RELN: variants seen among roughly 807,000 people sequenced by gnomAD.
RELN encodes the protein reelin.
RELN carries 108 observed loss-of-function variants against 427.6 expected under a neutral mutation model. That is an observed-to-expected ratio of 0.25 (90% confidence interval 0.22 to 0.30). The LOEUF is 0.30. Ranked by LOEUF, RELN falls within the 10% of genes least tolerant of loss-of-function variation. The pLI is 1.00. For synonymous variants in RELN, 1,524 were observed against 1,513.4 expected (o/e 1.01, Z -0.16); for missense variants, 3,715 against 4,302.8 (o/e 0.86, Z 3.82).
chr7:103,633,068 T>C (rs1427714519), intron 19 of RELN, among the ~76,000 whole-genome samples: 2 of 152,136 alleles, frequency 1.3e-5, no homozygotes, highest in African/African-American at 4.8e-5. Flanking sequence ...CTAACTTAGA[T>C]ATATTAAATT....
At chr7:103,719,733 C>A (rs1370114519) in intron 8 of RELN, among the ~76,000 whole-genome samples, 1 of 152,104 alleles carries the variant, frequency 6.6e-6, no homozygotes. Context: ...TCTTCCTATC[C>A]CAGAGGAAAT....
chr7:103,728,606 T>C (rs1790272873), intron 6 of RELN, among the ~76,000 whole-genome samples: 1 of 152,166 alleles, frequency 6.6e-6, no homozygotes, highest in African/African-American at 2.4e-5. Flanking sequence ...AATAATTATA[T>C]AATATATACA....
At chr7:103,737,926 G>A (rs963486794) in intron 6 of RELN, among the ~76,000 whole-genome samples, 2 of 151,970 alleles carry the variant, frequency 1.3e-5, no homozygotes, top group African/African-American at 4.8e-5. Context: ...TTGTACCACA[G>A]GACCTGAAAC....
intron 46 of RELN, among the ~76,000 whole-genome samples, chr7:103,530,068 G>A (rs1003918484): frequency 2.6e-5 from 4 of 152,024 alleles, no homozygotes; most frequent in African/African-American, 9.7e-5. Context: ...ATGGAGGCAG[G>A]TGCAGTTTTA....
At chr7:103,491,854 TCTCACACACACACACACACA>T (rs1356964761) in intron 58 of RELN, 79 bp downstream of exon 58, 983 of 377,802 alleles carry the variant, frequency 2.6e-3, no homozygotes, top group East Asian at 4.0e-3. Context: ...TCTCTCTCTC[TCTCACACACACACACACACA>T]CACACACACA....
rs1832578912 is a variant in RELN at position 103,636,304 on chromosome 7, T to C, written c.2234A>G (p.Lys745Arg). The change falls in exon 18 of 65, where the codon AAG becomes AGG. Residue 745 changes from lysine (K) to arginine (R), a missense_variant. Lys to Arg is a conservative substitution (Grantham distance 26). Transcript: ENST00000428762. ...SFGCGVLASGKALVFNKDGRR... is the reference protein window; with the variant it reads ...SFGCGVLASGRALVFNKDGRR... ...CCCATCTTTGTTGAAAACCAGGGCC[T>C]TACCACTGGCCAAGACACCACAACC... The C allele has an allele frequency of 3.1e-6, 5 of 1,613,918 alleles. No individual in the cohort carries two copies. The highest frequency in any genetic ancestry group is 1.3e-5 in the African/African-American group (1 of 74,916).
chr7:103,539,675 C>A (rs1370864158), intron 44 of RELN, among the ~76,000 whole-genome samples: 1 of 152,144 alleles, frequency 6.6e-6, no homozygotes, highest in African/African-American at 2.4e-5. Context: ...ACAGTTGTAC[C>A]CTAAGGCATT....
chr7:103,586,706 C>T (rs762029449), intron 28 of RELN, among the ~76,000 whole-genome samples: 7 of 152,094 alleles, frequency 4.6e-5, no homozygotes, highest in Non-Finnish European at 7.4e-5. Flanking sequence ...ACAAAATAAA[C>T]GTACAAAAAT....
chr7:103,789,791 T>A (rs1432921699), intron 3 of RELN, among the ~76,000 whole-genome samples: 1 of 152,206 alleles, frequency 6.6e-6, no homozygotes, highest in Non-Finnish European at 1.5e-5. Flanking sequence ...CTCAAGGATA[T>A]AGAACTAGAA....
At chr7:103,786,686 A>G (rs1792025865) in intron 3 of RELN, among the ~76,000 whole-genome samples, 1 of 152,210 alleles carries the variant, frequency 6.6e-6, no homozygotes, top group South Asian at 2.1e-4. Context: ...ATACAGGAGC[A>G]TCCAGATTCA....
At chr7:103,710,992 C>T (rs112936853) in intron 8 of RELN, among the ~76,000 whole-genome samples, 11 of 152,010 alleles carry the variant, frequency 7.2e-5, no homozygotes, top group African/African-American at 2.2e-4. Flanking sequence ...TGCAGTGAGC[C>T]GAGAGCACGC....
chr7:103,498,458 ATAAT>A (rs1283603220), intron 53 of RELN, among the ~76,000 whole-genome samples: 1 of 151,872 alleles, frequency 6.6e-6, no homozygotes, highest in Non-Finnish European at 1.5e-5. Context: ...ATAATGTTTA[ATAAT>A]TGAAATTTAA....
intron 4 of RELN, among the ~76,000 whole-genome samples, chr7:103,755,627 T>G (rs1235049889): frequency 1.8e-5 from 1 of 54,792 alleles, no homozygotes; most frequent in Non-Finnish European, 4.1e-5. Context: ...ATAAAAAAAA[T>G]AAAATAAATA....
At chr7:103,927,588 A>G (rs1318073769) in intron 1 of RELN, among the ~76,000 whole-genome samples, 1 of 152,206 alleles carries the variant, frequency 6.6e-6, no homozygotes, top group Non-Finnish European at 1.5e-5. Flanking sequence ...ATAAATGCAC[A>G]ACTAATTTGT....
At chr7:103,898,284 T>C (rs1007343287) in intron 2 of RELN, among the ~76,000 whole-genome samples, 1 of 152,014 alleles carries the variant, frequency 6.6e-6, no homozygotes, top group African/African-American at 2.4e-5. Context: ...CATTATTATT[T>C]AAAAATATTA....
chr7:103,875,412 T>G (rs1257856879), intron 2 of RELN, among the ~76,000 whole-genome samples: 1 of 151,950 alleles, frequency 6.6e-6, no homozygotes, highest in Non-Finnish European at 1.5e-5. Flanking sequence ...ACCATCAGAG[T>G]GAACAGGCAA....
chr7:103,975,279 A>C (rs551328377), intron 1 of RELN, among the ~76,000 whole-genome samples: 1 of 152,182 alleles, frequency 6.6e-6, no homozygotes, highest in Non-Finnish European at 1.5e-5. Flanking sequence ...TCACTGATTA[A>C]ATAAAAATGT....
chr7:103,595,310 T>C (rs1157623243), intron 25 of RELN, among the ~76,000 whole-genome samples: 2 of 152,192 alleles, frequency 1.3e-5, no homozygotes, highest in African/African-American at 4.8e-5. Flanking sequence ...CTATATTGCA[T>C]CTAGGAGAAT....
intron 1 of RELN, among the ~76,000 whole-genome samples, chr7:103,967,665 G>A (rs1200249047): frequency 6.6e-6 from 1 of 152,310 alleles, no homozygotes; most frequent in South Asian, 2.1e-4. Flanking sequence ...CCTGAAATCA[G>A]CCCTCTCCCC....
Sources: gnomAD v4.1 joint callset for allele counts (sites outside exome capture counted in the v4.1 genomes callset) on GRCh38, gnomAD v4.1.1 for gene constraint, MANE v1.5 for transcripts, NCBI Gene and HGNC (gene_info 2026-07-23, HGNC 2026-07-21) for gene names.